Variants in NFASC observed in about 807,000 individuals in gnomAD.
NFASC encodes neurofascin homolog.
In NFASC, 43 loss-of-function variants were observed where a neutral mutation model predicts 147.5. That is an observed-to-expected ratio of 0.29 (90% CI 0.23 to 0.38). NFASC has a LOEUF of 0.38. NFASC is among the 10% of genes least tolerant of loss of function. The probability of loss-of-function intolerance (pLI) is 1.00; values close to 1 mark genes in which losing one functional copy is unlikely to be tolerated. For synonymous variants in NFASC, 622 were observed against 665.5 expected, an observed-to-expected ratio of 0.93 and a Z score of 1.01; for missense variants, 1,320 against 1,689.0, an observed-to-expected ratio of 0.78 and a Z score of 3.83.
chr1:204,920,684 G>T lies in NFASC; in HGVS notation c.-147G>T. 1 of 1,289,638 alleles carries T rather than the reference G, an allele frequency of 7.8e-7. No homozygotes were observed. The highest frequency in any genetic ancestry group is 1.0e-6 in the Non-Finnish European group (1 of 988,834). The allele number at this position is 1,289,638 out of a possible 1,614,324, so 79.9% of individuals were successfully genotyped here. ...CGCTGGAGTTTACCTTCCCTCCGCA[G>T]CCTGGAACAGAGCCTCCTCTGGTGT... On this transcript the variant is annotated 5_prime_UTR_variant, in exon 2 of 30. Coordinates refer to ENST00000339876, the MANE Select transcript of NFASC (RefSeq NM_001005388.3).
rs1411622066 is a variant in NFASC, at chr1:204,972,328, GA to G, written c.1136-944del. Among the ~76,000 whole-genome samples the G allele has an allele frequency of 4.6e-5, 7 of 152,342 alleles. No homozygotes were observed. The East Asian group carries it at 1.3e-3, about 29-fold the overall frequency. ...GTCACTTTCTAGTGGTTAAAGATGA[GA>G]AAAGTGGCAATTCTTTACATTTCTA... On this transcript the variant is annotated intron_variant, in intron 11 of 29. Coordinates refer to ENST00000339876, the MANE Select transcript of NFASC (RefSeq NM_001005388.3).
Position 204,919,754 on chromosome 1 carries a change from G to A in NFASC, c.-199-878G>A, listed in dbSNP as rs148176590. ...AGCCATTCTCCTGCCTCAGCCTCCCGACTAGCTGGGACTACAGGTGTGCCC... is the reference window on the plus strand; with the variant it reads ...AGCCATTCTCCTGCCTCAGCCTCCCAACTAGCTGGGACTACAGGTGTGCCC... On this transcript the variant is annotated intron_variant, in intron 1 of 29. Transcript: ENST00000339876. Among the ~76,000 whole-genome samples, 396 of 152,146 alleles carry A rather than the reference G, an allele frequency of 2.6e-3. 3 individuals carry two copies. The highest frequency in any genetic ancestry group is 8.8e-3 in the African/African-American group (367 of 41,508).
chr1:204,884,195 G>A (rs1466140107), intron 1 of NFASC, among the ~76,000 whole-genome samples: 3 of 152,120 alleles, frequency 2.0e-5, no homozygotes, highest in South Asian at 2.1e-4. Flanking sequence ...GTGTGTGGAA[G>A]GACTGTGATT....
At chr1:204,883,730 A>T (rs1030212208) in intron 1 of NFASC, among the ~76,000 whole-genome samples, 4 of 152,324 alleles carry the variant, frequency 2.6e-5, no homozygotes, top group East Asian at 3.9e-4. Context: ...CACTGTCTGC[A>T]GTCTGGCTGG....
intron 1 of NFASC, among the ~76,000 whole-genome samples, chr1:204,874,223 C>T (rs2078289262): frequency 6.6e-6 from 1 of 152,232 alleles, no homozygotes; most frequent in Non-Finnish European, 1.5e-5. Context: ...CTCACTGTGT[C>T]TCCTGCCGCT....
In NFASC at chr1:204,950,543, G is replaced by A. The variant is rs182943191; in HGVS notation, c.92-14G>A. Reference sequence around the variant, plus strand: ...TTTTCTCCCTCTCCAATGCTAACCCGTCGGAACTAACAGCAAGCATTCAGA... The same window carrying A: ...TTTTCTCCCTCTCCAATGCTAACCCATCGGAACTAACAGCAAGCATTCAGA... On this transcript the variant is annotated splice_polypyrimidine_tract_variant and intron_variant, in intron 3 of 29. Transcript: ENST00000339876. 171 of 1,611,520 alleles carry A rather than the reference G, an allele frequency of 1.1e-4. No homozygotes were observed. The highest frequency in any genetic ancestry group is 1.3e-4 in the Non-Finnish European group (155 of 1,178,736).
intron 1 of NFASC, among the ~76,000 whole-genome samples, chr1:204,889,181 TA>T (rs1350419151): frequency 6.6e-6 from 1 of 152,232 alleles, no homozygotes; most frequent in Non-Finnish European, 1.5e-5. Flanking sequence ...AAACCAAAAC[TA>T]TTATTTTTTA....
At chr1:204,938,153 T>C (rs115296115) in intron 2 of NFASC, among the ~76,000 whole-genome samples, 12 of 152,312 alleles carry the variant, frequency 7.9e-5, no homozygotes, top group Admixed American at 3.3e-4. Context: ...ATCTCATCCA[T>C]CTGCCAGGGA....
At chr1:204,926,240 GT>G (rs1397845193) in intron 2 of NFASC, among the ~76,000 whole-genome samples, 2 of 150,752 alleles carry the variant, frequency 1.3e-5, no homozygotes, top group Non-Finnish European at 2.9e-5. Context: ...CACTTACTTG[GT>G]TTTATTAATA....
rs1366983877 is a variant in NFASC at position 204,877,023 on chromosome 1, TATATAATA to T, written c.-199-43608_-199-43601del. Among the ~76,000 whole-genome samples, 69 of 101,636 alleles carry T rather than the reference TATATAATA, an allele frequency of 6.8e-4. 10 individuals are homozygous for T. The highest frequency in any genetic ancestry group is 6.5e-3 in the East Asian group (13 of 2,014). 66.7% of individuals were successfully genotyped at this position (101,636 alleles called of 152,430 possible). The stretch of plus-strand genomic sequence containing the variant: ...ATATATATATATATATATATATATA[TATATAATA>T]TATATTTATATATATATAATATATT... On this transcript the variant is annotated intron_variant, in intron 1 of 29. Transcript: ENST00000339876.
intron 2 of NFASC, among the ~76,000 whole-genome samples, chr1:204,927,695 C>T (rs1387916111): frequency 1.3e-5 from 2 of 152,054 alleles, no homozygotes; most frequent in African/African-American, 4.8e-5. Context: ...AAGATTATCA[C>T]TCCCCACCTC....
At chr1:204,830,937 A>G (rs1165690887) in intron 1 of NFASC, among the ~76,000 whole-genome samples, 1 of 152,144 alleles carries the variant, frequency 6.6e-6, no homozygotes, top group Non-Finnish European at 1.5e-5. Context: ...GTGCCTGGCA[A>G]GGGGATGTGC....
chr1:204,900,364 A>G (rs2084292678), intron 1 of NFASC, among the ~76,000 whole-genome samples: 1 of 152,226 alleles, frequency 6.6e-6, no homozygotes, highest in South Asian at 2.1e-4. Flanking sequence ...TAACTGCTGC[A>G]TTTCAAATTC....
intron 1 of NFASC, among the ~76,000 whole-genome samples, chr1:204,884,133 A>T (rs1343766611): frequency 1.3e-5 from 2 of 152,120 alleles, no homozygotes; most frequent in Non-Finnish European, 2.9e-5. Context: ...TGTAGCTATA[A>T]TGTGGCTCTC....
In NFASC at chr1:204,936,198, C is replaced by CTTTTT. The variant is rs749844237; in HGVS notation, c.-90-8027_-90-8023dup. On this transcript the variant is annotated intron_variant, in intron 2 of 29. Transcript: ENST00000339876. ...TAACAGATTCCCTCTCTCTCTCTTTCTTTTTCTTTTTTTTTTTTTTTGAGA... is the reference window on the plus strand; with the variant it reads ...TAACAGATTCCCTCTCTCTCTCTTTCTTTTTTTTTTCTTTTTTTTTTTTTTTGAGA... Among the ~76,000 whole-genome samples, 512 of 71,880 alleles carry CTTTTT rather than the reference C, an allele frequency of 7.1e-3. 21 individuals are homozygous for CTTTTT. Among genetic ancestry groups the CTTTTT allele is most frequent in the Non-Finnish European group, 8.0e-3 (333 of 41,812 alleles). The allele number at this position is 71,880 out of a possible 152,430, so 47.2% of individuals were successfully genotyped here.
chr1:205,002,412 G>T (rs1015491527), intron 26 of NFASC, among the ~76,000 whole-genome samples, 184 bp from the exon 27 acceptor site: 1 of 152,200 alleles, frequency 6.6e-6, no homozygotes, highest in African/African-American at 2.4e-5. Flanking sequence ...AAAAGCGTTA[G>T]TATTGCACAG....
chr1:204,983,800 G>A (rs2095553905), intron 21 of NFASC, among the ~76,000 whole-genome samples: 1 of 152,164 alleles, frequency 6.6e-6, no homozygotes, highest in South Asian at 2.1e-4. Flanking sequence ...GCAAATGAGT[G>A]CCCTCTGAAC....
At chr1:204,924,184 C>T (rs2091069230) in intron 2 of NFASC, among the ~76,000 whole-genome samples, 1 of 152,182 alleles carries the variant, frequency 6.6e-6, no homozygotes, top group Admixed American at 6.5e-5. Context: ...CCCACCTCCC[C>T]TCCCCCATGC....
At chr1:204,838,645 G>A (rs1674462991) in intron 1 of NFASC, among the ~76,000 whole-genome samples, 1 of 152,180 alleles carries the variant, frequency 6.6e-6, no homozygotes, top group Non-Finnish European at 1.5e-5. Context: ...TGGCTGTGGG[G>A]TGAGGTGGGG....
Sources: allele counts gnomAD v4.1 joint callset (sites outside exome capture counted in the v4.1 genomes callset), GRCh38; gene constraint gnomAD v4.1.1; transcripts MANE v1.5; gene names NCBI Gene and HGNC (gene_info 2026-07-23, HGNC 2026-07-21).